KATNIP: variants seen among roughly 807,000 people sequenced by gnomAD.
The protein encoded by KATNIP is katanin-interacting protein.
A neutral mutation model predicts 174.0 loss-of-function variants in KATNIP; 126 were observed. The observed-to-expected ratio is 0.72, with a 90% CI of 0.63 to 0.84. The LOEUF (loss-of-function observed/expected upper bound fraction) is 0.84, where lower values mean the gene tolerates loss of function less well. KATNIP is among the 40% of genes least tolerant of loss of function. The pLI is 0.00. For synonymous variants in KATNIP, 810 were observed against 835.7 expected (o/e 0.97, Z 0.53); for missense variants, 1,958 against 2,109.7 (o/e 0.93, Z 1.41).
intron 18 of KATNIP, among the ~76,000 whole-genome samples, chr16:27,756,700 T>C (rs2081744843): frequency 6.6e-6 from 1 of 152,242 alleles, no homozygotes. Flanking sequence ...GGTCAGGATT[T>C]TTTTTTTGGC....
chr16:27,597,881 G>C (rs993467753), intron 2 of KATNIP, among the ~76,000 whole-genome samples: 9 of 152,250 alleles, frequency 5.9e-5, no homozygotes, highest in African/African-American at 2.2e-4. Context: ...TGGAAGGTGG[G>C]ACCAGGAAGC....
Position 27,750,294 on chromosome 16 carries a change from A to G in KATNIP, c.3334A>G (p.Thr1112Ala). 1.2e-6 allele frequency: 2 copies of G among 1,610,178 alleles called. No homozygotes were observed. The highest frequency in any genetic ancestry group is 1.7e-6 in the Non-Finnish European group (2 of 1,177,766). Residue 1112 changes from threonine (T) to alanine (A), a missense_variant, in exon 16 of 28, where the codon ACC becomes GCC. Physicochemically the swap from Thr to Ala is moderately conservative, Grantham distance 58. Coordinates refer to ENST00000261588, the MANE Select transcript of KATNIP (RefSeq NM_015202.5). ...FEGEIAKASG[T>A]LAGAPEHFGD... ...AGGAGAAATCGCCAAGGCCTCTGGA[A>G]CCCTGGCGGGAGGTATGGCGTGTCT...
rs938551119 is a variant in KATNIP, at chr16:27,633,591, CTGT to C, written c.408+2434_408+2436del. Among the ~76,000 whole-genome samples, 4 of 152,166 alleles carry C rather than the reference CTGT, an allele frequency of 2.6e-5. No homozygotes were observed. The South Asian group carries it at 6.2e-4, about 24-fold the overall frequency. ...TCAGGCATGAGCCTCCACGTCAGGC[CTGT>C]TGTTATTTTTTAACTTGTGTTCACC... is the stretch of plus-strand genomic sequence containing the variant. On this transcript the variant is annotated intron_variant, in intron 5 of 27. Coordinates refer to ENST00000261588, the MANE Select transcript of KATNIP (RefSeq NM_015202.5).
intron 1 of KATNIP, among the ~76,000 whole-genome samples, chr16:27,572,465 C>T (rs1324803714): frequency 6.6e-6 from 1 of 151,882 alleles, no homozygotes; most frequent in Non-Finnish European, 1.5e-5. Flanking sequence ...ATCCTGGCCT[C>T]TGTTAGTCTA....
intron 22 of KATNIP, among the ~76,000 whole-genome samples, chr16:27,772,585 C>A (rs1349477994): frequency 6.6e-6 from 1 of 152,192 alleles, no homozygotes; most frequent in Non-Finnish European, 1.5e-5. Flanking sequence ...GGCCCATGGC[C>A]CCTGGCGCTG....
intron 1 of KATNIP, among the ~76,000 whole-genome samples, chr16:27,563,568 G>A (rs2089970159): frequency 2.0e-5 from 3 of 152,200 alleles, no homozygotes; most frequent in Middle Eastern, 3.4e-3. Context: ...GGAAGAGGGA[G>A]GAGAGGTCCA....
At chr16:27,763,506 C>G (rs932315008) in intron 19 of KATNIP, among the ~76,000 whole-genome samples, 15 of 142,874 alleles carry the variant, frequency 1.0e-4, no homozygotes, top group African/African-American at 3.9e-4. Context: ...GTACCAGCTA[C>G]TCAGATGCTG....
At chr16:27,632,735 G>A (rs2076526486) in intron 5 of KATNIP, 1 of 410,752 alleles carries the variant, frequency 2.4e-6, no homozygotes, top group Non-Finnish European at 5.0e-6. Context: ...CTTTGAAAAG[G>A]GCTGATTTCT....
Position 27,558,151 on chromosome 16 carries a change from G to T in KATNIP, c.7+7974G>T, listed in dbSNP as rs2089706379. ...TGGACTATACTTATTCTTTTTGTTT[G>T]TTTTTTTGTTTTTAGATAGAGTCTT... is the stretch of plus-strand genomic sequence containing the variant. On this transcript the variant is annotated intron_variant, in intron 1 of 27. Coordinates refer to ENST00000261588, the MANE Select transcript of KATNIP (RefSeq NM_015202.5). Among the ~76,000 whole-genome samples the T allele has an allele frequency of 3.3e-5, 5 of 152,048 alleles. No individual in the cohort carries two copies. The South Asian group carries it at 1.0e-3, about 32-fold the overall frequency.
At chr16:27,574,064 T>C (rs2090402104) in intron 2 of KATNIP, 108 bp downstream of exon 2, 1 of 973,154 alleles carries the variant, frequency 1.0e-6, no homozygotes, top group Non-Finnish European at 1.6e-6. Flanking sequence ...TCTCTTGGGG[T>C]CCCAAGCTTG....
chr16:27,579,153 T>C (rs1005588), intron 2 of KATNIP, among the ~76,000 whole-genome samples: 125,959 of 152,240 alleles, frequency 0.83, 52,358 homozygotes, highest in East Asian at 1. Context: ...AAATATTTAT[T>C]CATCTTCCAA....
At chr16:27,771,681 C>CAT (rs778154076) in intron 22 of KATNIP, 29 bp downstream of exon 22, 9 of 1,609,680 alleles carry the variant, frequency 5.6e-6, no homozygotes, top group African/African-American at 2.7e-5. Flanking sequence ...CCCACCAGCA[C>CAT]ATTCTGGGCC....
chr16:27,612,576 T>G (rs150630999), intron 2 of KATNIP, among the ~76,000 whole-genome samples: 1 of 151,516 alleles, frequency 6.6e-6, no homozygotes, highest in East Asian at 2.0e-4. Flanking sequence ...CTGGCCAACA[T>G]GGTGAAACCC....
chr16:27,675,154 C>G (rs1205203906), intron 6 of KATNIP, among the ~76,000 whole-genome samples: 2 of 152,192 alleles, frequency 1.3e-5, no homozygotes, highest in African/African-American at 4.8e-5. Context: ...TTAATGGACT[C>G]ACAGTTCCAC....
intron 5 of KATNIP, among the ~76,000 whole-genome samples, chr16:27,634,297 G>A (rs2076572908): frequency 6.6e-6 from 1 of 152,170 alleles, no homozygotes; most frequent in Admixed American, 6.5e-5. Context: ...GTCAGTCAGT[G>A]CCTAACAGCA....
At chr16:27,614,713 C>T (rs1238973933) in intron 2 of KATNIP, among the ~76,000 whole-genome samples, 3 of 152,132 alleles carry the variant, frequency 2.0e-5, no homozygotes, top group Non-Finnish European at 4.4e-5. Context: ...CCCAGTGAAA[C>T]TCAGAGGTTG....
intron 2 of KATNIP, among the ~76,000 whole-genome samples, chr16:27,607,224 C>T (rs976931837): frequency 2.6e-5 from 4 of 152,128 alleles, no homozygotes; most frequent in Non-Finnish European, 5.9e-5. Flanking sequence ...AGAGGAAAAT[C>T]AAGGTGTTAT....
chr16:27,559,706 C>A (rs1004146271), intron 1 of KATNIP, among the ~76,000 whole-genome samples: 1 of 149,376 alleles, frequency 6.7e-6, no homozygotes, highest in African/African-American at 2.5e-5. Flanking sequence ...ATAGTAAGGT[C>A]ATGGTGGCTC....
intron 3 of KATNIP, among the ~76,000 whole-genome samples, chr16:27,622,808 CT>C (rs1415932962): frequency 1.3e-5 from 2 of 152,168 alleles, no homozygotes; most frequent in Admixed American, 6.5e-5. Context: ...CCAGTCTATC[CT>C]TTTGTCCTCA....
Sources: gnomAD v4.1 joint callset for allele counts (sites outside exome capture counted in the v4.1 genomes callset) on GRCh38, gnomAD v4.1.1 for gene constraint, MANE v1.5 for transcripts, NCBI Gene and HGNC (gene_info 2026-07-23, HGNC 2026-07-21) for gene names.